PRDM5: variants seen among roughly 807,000 people sequenced by gnomAD.
PRDM5 encodes PR/SET domain 5, also known as PR domain zinc finger protein 5.
In PRDM5, 56 loss-of-function variants were observed where a neutral mutation model predicts 81.2. The ratio of observed to expected loss-of-function variants is 0.69; its 90% CI spans 0.56 to 0.86. PRDM5 has a LOEUF of 0.86. Among genes scored for constraint, PRDM5 ranks in the 40% least tolerant of loss-of-function variants. The pLI, the probability that PRDM5 is intolerant of heterozygous loss-of-function variation, is 0.00. For synonymous variants in PRDM5, 267 were observed against 256.4 expected, an observed-to-expected ratio of 1.04 and a Z score of -0.39; for missense variants, 697 against 770.1, an observed-to-expected ratio of 0.91 and a Z score of 1.12.
Position 120,892,359 on chromosome 4 carries a change from C to T in PRDM5, c.177+15115G>A, listed in dbSNP as rs964972885. Among the ~76,000 whole-genome samples the T allele has an allele frequency of 5.3e-5, 8 of 152,002 alleles. No individual in the cohort carries two copies. The East Asian group carries it at 1.3e-3, about 26-fold the overall frequency. On this transcript the variant is annotated intron_variant, in intron 2 of 15. Transcript: ENST00000264808. ...CTGATCAAGTGTTGAGTTCAGGTCCCGAACGTCACTGATAGTTTTGTCTCA... is the reference window on the plus strand; with the variant it reads ...CTGATCAAGTGTTGAGTTCAGGTCCTGAACGTCACTGATAGTTTTGTCTCA...
intron 2 of PRDM5, among the ~76,000 whole-genome samples, chr4:120,893,178 C>G (rs1381488808): frequency 6.6e-6 from 1 of 152,204 alleles, no homozygotes. Context: ...GGGATTCTCC[C>G]GTTTCCAGTC....
intron 2 of PRDM5, among the ~76,000 whole-genome samples, chr4:120,861,815 C>CA (rs1190370158): frequency 6.1e-5 from 9 of 148,354 alleles, no homozygotes; most frequent in Non-Finnish European, 1.0e-4. Flanking sequence ...AAAGAAAAAA[C>CA]AAAAAAAAAG....
At chr4:120,715,799 G>T (rs977143097) in intron 14 of PRDM5, among the ~76,000 whole-genome samples, 1 of 152,206 alleles carries the variant, frequency 6.6e-6, no homozygotes, top group Non-Finnish European at 1.5e-5. Context: ...ACAGGTGAGG[G>T]TTTTGCAGAG....
At chr4:120,907,288 C>T (rs1428509601) in intron 2 of PRDM5, among the ~76,000 whole-genome samples, 186 bp downstream of exon 2, 1 of 149,562 alleles carries the variant, frequency 6.7e-6, no homozygotes, top group Admixed American at 6.7e-5. Flanking sequence ...GAGCCAAGAT[C>T]GCACCATTGC....
intron 5 of PRDM5, 152 bp downstream of exon 5, chr4:120,818,201 C>A (rs1754789545): frequency 2.8e-6 from 2 of 717,346 alleles, no homozygotes; most frequent in East Asian, 5.5e-5. Flanking sequence ...AATGACAATA[C>A]CAATGTAAAA....
At chr4:120,916,781 C>T (rs1279192786) in intron 1 of PRDM5, among the ~76,000 whole-genome samples, 1 of 152,208 alleles carries the variant, frequency 6.6e-6, no homozygotes, top group Non-Finnish European at 1.5e-5. Flanking sequence ...AGGCTAAAAT[C>T]CGTGGAATCA....
chr4:120,802,782 T>C (rs910240864), intron 8 of PRDM5, among the ~76,000 whole-genome samples: 1 of 151,940 alleles, frequency 6.6e-6, no homozygotes, highest in African/African-American at 2.4e-5. Context: ...AAGCTGAAAA[T>C]TTTAAAAATC....
intron 8 of PRDM5, among the ~76,000 whole-genome samples, chr4:120,808,772 G>A (rs1753383274): frequency 1.3e-5 from 2 of 152,214 alleles, no homozygotes; most frequent in Non-Finnish European, 2.9e-5. Flanking sequence ...GGTAGCTAAG[G>A]CCCTGTGAGA....
intron 2 of PRDM5, among the ~76,000 whole-genome samples, chr4:120,894,465 A>G (rs1447240303): frequency 6.6e-6 from 1 of 151,984 alleles, no homozygotes; most frequent in African/African-American, 2.4e-5. Flanking sequence ...TTACTTTAAT[A>G]TTTCTTCTGG....
At chr4:120,826,711 T>G (rs557155926) in intron 3 of PRDM5, among the ~76,000 whole-genome samples, 1 of 152,280 alleles carries the variant, frequency 6.6e-6, no homozygotes, top group African/African-American at 2.4e-5. Flanking sequence ...AGGTCACAGA[T>G]AGTGGTGACT....
chr4:120,744,634 C>G (rs1742690107), intron 14 of PRDM5, among the ~76,000 whole-genome samples: 1 of 152,100 alleles, frequency 6.6e-6, no homozygotes, highest in African/African-American at 2.4e-5. Context: ...AAACTACCAT[C>G]AGAGAATACT....
intron 2 of PRDM5, among the ~76,000 whole-genome samples, chr4:120,900,859 C>G (rs1384627625): frequency 6.6e-6 from 1 of 151,922 alleles, no homozygotes; most frequent in African/African-American, 2.4e-5. Flanking sequence ...ACAGGTAATG[C>G]CCATACACAA....
rs1410179052 is a variant in PRDM5, at chr4:120,694,655, A to T, written c.*456T>A. The T allele has an allele frequency of 6.2e-6, 1 of 161,272 alleles. No individual in the cohort carries two copies. The highest frequency in any genetic ancestry group is 2.4e-5 in the African/African-American group (1 of 41,478). 10.0% of individuals were successfully genotyped at this position (161,272 alleles called of 1,614,324 possible). A position where few individuals can be genotyped will look rare whatever the true frequency, so the allele number is the denominator to read the frequency against. On this transcript the variant is annotated 3_prime_UTR_variant, in exon 16 of 16. Coordinates refer to ENST00000264808, the MANE Select transcript of PRDM5 (RefSeq NM_018699.4). ...TGCAAAGAAATAGTTGGATATCTTG[A>T]TTTATTTCTATTTAAATTGGTAAAA...
intron 10 of PRDM5, among the ~76,000 whole-genome samples, chr4:120,786,930 C>T (rs1749841449): frequency 6.6e-6 from 1 of 152,186 alleles, no homozygotes; most frequent in African/African-American, 2.4e-5. Context: ...CTATGCGTTT[C>T]ATGCCTCTAC....
At chr4:120,814,933 C>T (rs114827287) in intron 7 of PRDM5, among the ~76,000 whole-genome samples, 1 of 152,152 alleles carries the variant, frequency 6.6e-6, no homozygotes, top group Non-Finnish European at 1.5e-5. Flanking sequence ...TTATTTCCTA[C>T]AAAATCACCA....
chr4:120,864,434 C>T (rs932134762), intron 2 of PRDM5, among the ~76,000 whole-genome samples: 1 of 152,236 alleles, frequency 6.6e-6, no homozygotes, highest in Admixed American at 6.5e-5. Flanking sequence ...GACAGGCAAA[C>T]TTAATGTAAA....
downstream of PRDM5, among the ~76,000 whole-genome samples, chr4:120,687,906 A>G (rs1300948036): frequency 6.6e-6 from 1 of 152,190 alleles, no homozygotes; most frequent in Non-Finnish European, 1.5e-5. Flanking sequence ...CCCGACATCC[A>G]GAACTGTGAG....
chr4:120,869,554 A>G (rs1447463741), intron 2 of PRDM5, among the ~76,000 whole-genome samples: 1 of 152,214 alleles, frequency 6.6e-6, no homozygotes, highest in Admixed American at 6.5e-5. Context: ...GCTCATAAAG[A>G]CACTCATAGC....
At chr4:120,858,495 T>C (rs901666674) in intron 2 of PRDM5, among the ~76,000 whole-genome samples, 14 of 152,180 alleles carry the variant, frequency 9.2e-5, no homozygotes, top group Admixed American at 9.2e-4. Context: ...GAAAAGGGCA[T>C]GGGTTTTATT....
Sources: allele counts gnomAD v4.1 joint callset (sites outside exome capture counted in the v4.1 genomes callset), GRCh38; gene constraint gnomAD v4.1.1; transcripts MANE v1.5; gene names NCBI Gene and HGNC (gene_info 2026-07-23, HGNC 2026-07-21).